SCHIP1: variants seen among roughly 807,000 people sequenced by gnomAD.
SCHIP1 encodes schwannomin interacting protein 1.
Under a neutral mutation model 29.7 loss-of-function variants are expected in SCHIP1, and 8 were observed. The observed-to-expected ratio is 0.27, with a 90% CI of 0.16 to 0.49. The LOEUF (loss-of-function observed/expected upper bound fraction) is 0.49. SCHIP1 is among the 20% of genes least tolerant of loss of function. The pLI, the probability that SCHIP1 is intolerant of heterozygous loss-of-function variation, is 0.99. For missense variants in SCHIP1, 193 were observed against 294.6 expected (o/e 0.66, Z 2.52); for synonymous variants, 76 against 94.9 (o/e 0.80, Z 1.16).
At chr3:159,883,267 T>G (rs1284306665) in intron 2 of SCHIP1, among the ~76,000 whole-genome samples, 1 of 152,170 alleles carries the variant, frequency 6.6e-6, no homozygotes, top group Non-Finnish European at 1.5e-5. Flanking sequence ...TGTTTTCACC[T>G]CAGACTGTGC....
chr3:159,300,189 C>T, the SCHIP1 span, among the ~76,000 whole-genome samples: 1 of 129,668 alleles, frequency 7.7e-6, no homozygotes, highest in Non-Finnish European at 1.5e-5. Context: ...ATGGCATAAT[C>T]GTAGCTCACT....
chr3:159,751,586 A>G, the SCHIP1 span, among the ~76,000 whole-genome samples: 106,806 of 150,934 alleles, frequency 0.71, 38,468 homozygotes, highest in Middle Eastern at 0.9. Flanking sequence ...ACCCTGTCAC[A>G]CAGGCTGGAG....
At chr3:159,536,867 T>C in the SCHIP1 span, among the ~76,000 whole-genome samples, 2 of 152,230 alleles carry the variant, frequency 1.3e-5, no homozygotes, top group Non-Finnish European at 2.9e-5. Context: ...CATCTCTTCC[T>C]AATTATTTCA....
the SCHIP1 span, among the ~76,000 whole-genome samples, chr3:159,551,141 C>T: frequency 6.6e-6 from 1 of 152,048 alleles, no homozygotes; most frequent in Non-Finnish European, 1.5e-5. Flanking sequence ...GGGAGAGGTT[C>T]TAAAGCTTTG....
At chr3:159,633,877 AG>A in the SCHIP1 span, among the ~76,000 whole-genome samples, 1 of 152,212 alleles carries the variant, frequency 6.6e-6, no homozygotes, top group Admixed American at 6.5e-5. Context: ...TAGGCATTAG[AG>A]GGTTTTTTGA....
At chr3:159,868,037 A>G (rs532626334) in intron 2 of SCHIP1, among the ~76,000 whole-genome samples, 1 of 148,866 alleles carries the variant, frequency 6.7e-6, no homozygotes, top group African/African-American at 2.4e-5. Flanking sequence ...TTATATATAT[A>G]CACACACATA....
At chr3:159,463,929 T>C in the SCHIP1 span, among the ~76,000 whole-genome samples, 3 of 152,154 alleles carry the variant, frequency 2.0e-5, no homozygotes, top group African/African-American at 4.8e-5. Context: ...TAATAATCTA[T>C]TGTATGGATG....
At chr3:159,694,980 A>G in the SCHIP1 span, among the ~76,000 whole-genome samples, 1 of 152,172 alleles carries the variant, frequency 6.6e-6, no homozygotes, top group Non-Finnish European at 1.5e-5. Context: ...TGTCCCCACC[A>G]TGGAAGACAA....
chr3:159,321,604 G>T, the SCHIP1 span, among the ~76,000 whole-genome samples: 1 of 151,974 alleles, frequency 6.6e-6, no homozygotes, highest in Non-Finnish European at 1.5e-5. Context: ...TAGGGTACAT[G>T]TGCACAATGT....
Position 159,844,159 on chromosome 3 carries a change from C to T in SCHIP1, c.30+3945C>T, listed in dbSNP as rs1462853434. 3.3e-5 allele frequency among the ~76,000 whole-genome samples: 5 copies of T among 152,182 alleles called. No individual in the cohort carries two copies. The South Asian group carries it at 6.2e-4, about 19-fold the overall frequency. On this transcript the variant is annotated intron_variant, in intron 1 of 6. Transcript: ENST00000445224. The stretch of plus-strand genomic sequence containing the variant: ...CAGGGGTTTGGTGAGGATTGTTCAG[C>T]GGCCCAGGGAAACTGTGTCTCACTT...
the SCHIP1 span, among the ~76,000 whole-genome samples, chr3:159,603,604 C>G: frequency 6.6e-6 from 1 of 152,110 alleles, no homozygotes; most frequent in African/African-American, 2.4e-5. Flanking sequence ...GGGAGGAAGA[C>G]TAAATATATA....
At chr3:159,694,585 A>T in the SCHIP1 span, among the ~76,000 whole-genome samples, 1 of 144,950 alleles carries the variant, frequency 6.9e-6, no homozygotes, top group Non-Finnish European at 1.5e-5. Flanking sequence ...AGAAAGAAAG[A>T]AAGAAAGAAA....
the SCHIP1 span, among the ~76,000 whole-genome samples, chr3:159,485,639 T>A: frequency 3.3e-5 from 5 of 152,162 alleles, no homozygotes; most frequent in East Asian, 9.7e-4. Context: ...CAATGGAGGG[T>A]TTGAATTGTG....
chr3:159,363,820 A>G, the SCHIP1 span, among the ~76,000 whole-genome samples: 3 of 152,316 alleles, frequency 2.0e-5, no homozygotes, highest in African/African-American at 7.2e-5. Flanking sequence ...ATTTTGCCAG[A>G]AAAATAAAAG....
At chr3:159,335,296 A>G in the SCHIP1 span, among the ~76,000 whole-genome samples, 1 of 152,156 alleles carries the variant, frequency 6.6e-6, no homozygotes, top group African/African-American at 2.4e-5. Flanking sequence ...ACATCCCTGC[A>G]CTTGGCATGA....
At chr3:159,330,877 C>A in the SCHIP1 span, among the ~76,000 whole-genome samples, 3 of 152,128 alleles carry the variant, frequency 2.0e-5, no homozygotes, top group Non-Finnish European at 4.4e-5. Flanking sequence ...CTTTACATCC[C>A]AGTAGCTCCC....
the SCHIP1 span, among the ~76,000 whole-genome samples, chr3:159,572,715 G>A: frequency 6.6e-6 from 1 of 152,134 alleles, no homozygotes; most frequent in Non-Finnish European, 1.5e-5. Context: ...ACAGTGGGGT[G>A]TTAAAGTCTC....
intron 2 of SCHIP1, among the ~76,000 whole-genome samples, chr3:159,881,109 T>A (rs572054532): frequency 1.3e-5 from 2 of 152,326 alleles, no homozygotes; most frequent in East Asian, 3.9e-4. Flanking sequence ...AGCGACACCA[T>A]CACACGTGCA....
the SCHIP1 span, among the ~76,000 whole-genome samples, chr3:159,658,559 G>A: frequency 6.6e-6 from 1 of 152,120 alleles, no homozygotes; most frequent in African/African-American, 2.4e-5. Context: ...CTACAATCCT[G>A]TAGGTTGGAC....
Sources: allele counts gnomAD v4.1 joint callset (sites outside exome capture counted in the v4.1 genomes callset), GRCh38; gene constraint gnomAD v4.1.1; transcripts MANE v1.5; gene names NCBI Gene and HGNC (gene_info 2026-07-23, HGNC 2026-07-21).